The following CORIN variants were observed in gnomAD, a reference collection of about 807,000 sequenced individuals.
The protein encoded by CORIN is atrial natriuretic peptide-converting enzyme.
CORIN carries 117 observed loss-of-function variants against 125.3 expected under a neutral mutation model. The ratio of observed to expected loss-of-function variants is 0.93; its 90% confidence interval spans 0.80 to 1.09. The LOEUF is 1.09. Ranked by LOEUF, CORIN falls within the 50% of genes least tolerant of loss-of-function variation. The pLI is 0.00. For synonymous variants in CORIN, 450 were observed against 466.4 expected (o/e 0.96, Z 0.45); for missense variants, 1,253 against 1,306.7 (o/e 0.96, Z 0.63).
chr4:47,707,610 A>T (rs1298686839), intron 5 of CORIN, among the ~76,000 whole-genome samples: 1 of 152,266 alleles, frequency 6.6e-6, no homozygotes, highest in East Asian at 1.9e-4. Context: ...TTAAGAGATG[A>T]AGCCATTATC....
intron 2 of CORIN, among the ~76,000 whole-genome samples, chr4:47,801,668 C>T (rs1731545054): frequency 6.6e-6 from 1 of 152,232 alleles, no homozygotes; most frequent in African/African-American, 2.4e-5. Flanking sequence ...GAGCTCAGTG[C>T]TGCCCTGTCA....
At chr4:47,639,737 C>T (rs767498378) in intron 16 of CORIN, among the ~76,000 whole-genome samples, 12 of 152,136 alleles carry the variant, frequency 7.9e-5, no homozygotes, top group South Asian at 2.1e-4. Context: ...TTTGAGGCAT[C>T]GGTGGCAGAA....
chr4:47,651,460 C>A (rs61760475), intron 13 of CORIN, among the ~76,000 whole-genome samples: 293 of 152,356 alleles, frequency 1.9e-3, no homozygotes, highest in Non-Finnish European at 3.0e-3. Flanking sequence ...ATCAACCTGA[C>A]TTCCTTATTT....
intron 5 of CORIN, among the ~76,000 whole-genome samples, chr4:47,734,045 A>G (rs1004147899): frequency 6.6e-6 from 1 of 152,188 alleles, no homozygotes; most frequent in Non-Finnish European, 1.5e-5. Flanking sequence ...TTAATAATCA[A>G]ATCTCAAGAT....
chr4:47,681,819 T>C (rs1014792760), intron 7 of CORIN: 6 of 152,140 alleles, frequency 3.9e-5, no homozygotes, highest in Admixed American at 3.3e-4. Context: ...AGGAAATCAG[T>C]ATATCAAACA....
chr4:47,796,168 G>A (rs552501403), intron 2 of CORIN, among the ~76,000 whole-genome samples: 18 of 152,098 alleles, frequency 1.2e-4, no homozygotes, highest in Admixed American at 5.9e-4. Context: ...CCCATGTTCC[G>A]TGCAGCATTA....
At chr4:47,689,553 G>A (rs114201721) in intron 6 of CORIN, among the ~76,000 whole-genome samples, 2,479 of 152,218 alleles carry the variant, frequency 0.016, 72 homozygotes, top group African/African-American at 0.055. Context: ...ATTTGATAGT[G>A]GTTTTTATGT....
At chr4:47,736,997 A>G (rs1275820872) in intron 5 of CORIN, among the ~76,000 whole-genome samples, 1 of 152,266 alleles carries the variant, frequency 6.6e-6, no homozygotes, top group Non-Finnish European at 1.5e-5. Context: ...CAGGAGCCTA[A>G]AGAACTAAGC....
At chr4:47,776,479 C>T (rs1242908316) in intron 3 of CORIN, among the ~76,000 whole-genome samples, 1 of 152,156 alleles carries the variant, frequency 6.6e-6, no homozygotes, top group Non-Finnish European at 1.5e-5. Flanking sequence ...AAAAATTTCT[C>T]ATTAACTTTA....
rs1160562262 is a variant in CORIN, at chr4:47,744,531, C to T, written c.670G>A (p.Glu224Lys). ...TAATTCACCATCCCCAGGACTGATTCACAGCCTTCTTTTGCAGCCTCACAG... is the reference window on the plus strand; with the variant it reads ...TAATTCACCATCCCCAGGACTGATTTACAGCCTTCTTTTGCAGCCTCACAG... ...SFCEAAKEGC[E>K]SVLGMVNYSW... is the part of the protein sequence containing the mutation. Residue 224 changes from glutamate (E) to lysine (K), a missense_variant, in exon 5 of 22, where the codon GAA (glutamate) becomes AAA (lysine). Physicochemically the swap from Glu to Lys is moderately conservative, Grantham distance 56. Transcript: ENST00000273857. The T allele has an allele frequency of 5.0e-6, 8 of 1,613,060 alleles. No homozygotes were observed. Among genetic ancestry groups the T allele is most frequent in the Non-Finnish European group, 6.8e-6 (8 of 1,179,656 alleles).
intron 10 of CORIN, among the ~76,000 whole-genome samples, chr4:47,665,533 C>T (rs1212096107): frequency 3.3e-5 from 5 of 152,092 alleles, no homozygotes; most frequent in Non-Finnish European, 5.9e-5. Flanking sequence ...TTTCCCTTGG[C>T]TCAACTTATC....
At chr4:47,620,321 T>G (rs925664721) in intron 19 of CORIN, among the ~76,000 whole-genome samples, 7 of 152,152 alleles carry the variant, frequency 4.6e-5, no homozygotes, top group African/African-American at 1.7e-4. Context: ...CAAATGTCCA[T>G]CAAGTGGGGA....
Position 47,713,379 on chromosome 4 carries a change from A to G in CORIN, c.800-20296T>C, listed in dbSNP as rs922896302. 2.0e-5 allele frequency among the ~76,000 whole-genome samples: 3 copies of G among 152,336 alleles called. No individual in the cohort carries two copies. In the South Asian group the frequency reaches 6.2e-4, roughly 32 times the overall value. On this transcript the variant is annotated intron_variant, in intron 5 of 21. Transcript: ENST00000273857. ...TCCACTCAGCATTTTTAAGGAAGAA[A>G]ATATCCCATGCAGGGAAACATTCAA...
intron 5 of CORIN, among the ~76,000 whole-genome samples, chr4:47,736,888 C>G (rs1316508896): frequency 6.6e-6 from 1 of 152,150 alleles, no homozygotes; most frequent in Non-Finnish European, 1.5e-5. Flanking sequence ...GCTGAAGCAG[C>G]CAGATACTAA....
At chr4:47,661,895 T>C (rs1724264667) in intron 11 of CORIN, 39 bp from the exon 12 acceptor site, 3 of 1,554,914 alleles carry the variant, frequency 1.9e-6, no homozygotes, top group African/African-American at 2.7e-5. Flanking sequence ...GAAGCAGAAA[T>C]AGCTCCATCT....
rs1268625505 is a variant in CORIN, at chr4:47,777,359, G to A, written c.409+9366C>T. The stretch of plus-strand genomic sequence containing the variant: ...TTATTAATTCAAACACTGGCCAGGC[G>A]CGGTGGCTCACGTCTGTAATCCCAG... On this transcript the variant is annotated intron_variant, in intron 3 of 21. Coordinates refer to ENST00000273857, the MANE Select transcript of CORIN (RefSeq NM_006587.4). Among the ~76,000 whole-genome samples, 11 of 152,096 alleles carry A rather than the reference G, an allele frequency of 7.2e-5. 1 individual carries two copies. Among genetic ancestry groups the A allele is most frequent in the Non-Finnish European group, 1.0e-4 (7 of 68,000 alleles).
At chr4:47,787,703 T>C (rs1730883587) in intron 2 of CORIN, among the ~76,000 whole-genome samples, 1 of 152,258 alleles carries the variant, frequency 6.6e-6, no homozygotes. Flanking sequence ...TGTGAGATTT[T>C]GGTGCACCCA....
At chr4:47,714,510 G>T (rs1346867251) in intron 5 of CORIN, among the ~76,000 whole-genome samples, 1 of 152,164 alleles carries the variant, frequency 6.6e-6, no homozygotes, top group Non-Finnish European at 1.5e-5. Flanking sequence ...GAAACTAGAG[G>T]TAGAACTGGA....
At chr4:47,776,945 T>C (rs1434738481) in intron 3 of CORIN, among the ~76,000 whole-genome samples, 2 of 152,234 alleles carry the variant, frequency 1.3e-5, no homozygotes, top group African/African-American at 4.8e-5. Context: ...GTATTTATTA[T>C]AGAATTAAAA....
Sources: gnomAD v4.1 joint callset for allele counts (sites outside exome capture counted in the v4.1 genomes callset) on GRCh38, gnomAD v4.1.1 for gene constraint, MANE v1.5 for transcripts, NCBI Gene and HGNC (gene_info 2026-07-23, HGNC 2026-07-21) for gene names.